Variants in APLF observed in about 807,000 individuals in gnomAD.
APLF encodes the protein aprataxin and PNKP like factor.
APLF carries 61 observed loss-of-function variants against 55.6 expected under a neutral mutation model. The ratio of observed to expected loss-of-function variants is 1.10; its 90% CI spans 0.89 to 1.36. The LOEUF (loss-of-function observed/expected upper bound fraction) is 1.36. APLF is among the 40% of genes most tolerant of loss of function. APLF has a pLI of 0.00. For missense variants in APLF, 611 were observed against 602.5 expected (o/e 1.01, Z -0.15); for synonymous variants, 207 against 214.8 (o/e 0.96, Z 0.32).
chr2:68,478,342 T>C (rs1271659145), intron 1 of APLF, among the ~76,000 whole-genome samples: 1 of 152,110 alleles, frequency 6.6e-6, no homozygotes, highest in Admixed American at 6.6e-5. Flanking sequence ...TGCCAGCAGG[T>C]GGGAAAACCT....
chr2:68,518,640 CATT>C (rs373863822), intron 5 of APLF, among the ~76,000 whole-genome samples: 20 of 93,570 alleles, frequency 2.1e-4, no homozygotes, highest in African/African-American at 1.2e-3. Context: ...AATAATATAT[CATT>C]AATATATCAT....
At chr2:68,574,299 A>G (rs1671563035) in intron 9 of APLF, among the ~76,000 whole-genome samples, 1 of 152,178 alleles carries the variant, frequency 6.6e-6, no homozygotes, top group Admixed American at 6.5e-5. Flanking sequence ...AAAGTCATCT[A>G]GGTAGCATTT....
intron 9 of APLF, among the ~76,000 whole-genome samples, chr2:68,572,140 C>G (rs1205334436): frequency 1.4e-5 from 2 of 147,400 alleles, no homozygotes; most frequent in East Asian, 3.9e-4. Context: ...CTATAAACTG[C>G]TGCTTAATGT....
chr2:68,521,873 A>G (rs1028788480), intron 5 of APLF, among the ~76,000 whole-genome samples: 2 of 151,982 alleles, frequency 1.3e-5, no homozygotes, highest in Admixed American at 6.6e-5. Context: ...TTGAGCATTT[A>G]TACATTATTG....
rs760171905 is a variant in APLF, at chr2:68,578,838, A to G, written c.*816A>G. 72 of 985,302 alleles carry G rather than the reference A, an allele frequency of 7.3e-5. No homozygotes were observed. In the Middle Eastern group the frequency reaches 1.6e-3, roughly 21 times the overall value. 61.0% of individuals were successfully genotyped at this position (985,302 alleles called of 1,614,324 possible). ...TTTGCCTTAGTTTTTTTGACCTCAG[A>G]TGAAAGTAGCAAGTTGTTTGCCAGT... On this transcript the variant is annotated 3_prime_UTR_variant, in exon 10 of 10. Transcript: ENST00000303795.
At chr2:68,545,763 A>G (rs1670686750) in intron 8 of APLF, among the ~76,000 whole-genome samples, 1 of 152,156 alleles carries the variant, frequency 6.6e-6, no homozygotes, top group Non-Finnish European at 1.5e-5. Context: ...TTTTCATGGC[A>G]TCTTGTCCTT....
rs145654399 is a variant in APLF, at chr2:68,513,563, A to G, written c.505A>G (p.Asn169Asp). 5.7e-4 allele frequency: 913 copies of G among 1,611,128 alleles called. 2 individuals carry two copies. The Middle Eastern group carries it at 6.6e-3, about 12-fold the overall frequency. Residue 169 changes from asparagine (N) to aspartate (D), a missense_variant, in exon 5 of 10, where the codon AAT becomes GAT. Coordinates refer to ENST00000303795, the MANE Select transcript of APLF (RefSeq NM_173545.3). ...PTNSVSFLGE[N>D]RDCNKQQPIL... ...GTCTTTTTAGTCTTTCCTAGGTGAA[A>G]ATAGAGACTGCAATAAGCAGCAGCC... is the stretch of plus-strand genomic sequence containing the variant.
intron 1 of APLF, among the ~76,000 whole-genome samples, chr2:68,474,616 T>TA (rs1408091959): frequency 6.6e-5 from 10 of 152,368 alleles, no homozygotes; most frequent in Non-Finnish European, 1.0e-4. Flanking sequence ...CATGTCTTCA[T>TA]ACTTTTGTAT....
intron 8 of APLF, among the ~76,000 whole-genome samples, chr2:68,551,812 G>A (rs1223611608): frequency 1.3e-5 from 2 of 148,488 alleles, no homozygotes; most frequent in East Asian, 2.0e-4. Context: ...GTCTAGCAAC[G>A]CTTTATTGCA....
At chr2:68,549,762 A>G (rs1185463731) in intron 8 of APLF, among the ~76,000 whole-genome samples, 1 of 152,132 alleles carries the variant, frequency 6.6e-6, no homozygotes, top group Admixed American at 6.5e-5. Flanking sequence ...AACCTTCACT[A>G]TGATTATAGG....
intron 3 of APLF, among the ~76,000 whole-genome samples, chr2:68,506,616 G>T (rs1257203039): frequency 6.6e-6 from 1 of 151,992 alleles, no homozygotes; most frequent in Non-Finnish European, 1.5e-5. Flanking sequence ...TTGGGACACA[G>T]AAGGTTTAAG....
chr2:68,574,996 A>G (rs1412434126), intron 9 of APLF, among the ~76,000 whole-genome samples: 1 of 152,330 alleles, frequency 6.6e-6, no homozygotes, highest in Non-Finnish European at 1.5e-5. Flanking sequence ...AGCTAAGGAC[A>G]CAGTAGAAAC....
At chr2:68,485,394 A>G (rs1442276066) in intron 1 of APLF, among the ~76,000 whole-genome samples, 1 of 152,178 alleles carries the variant, frequency 6.6e-6, no homozygotes, top group Non-Finnish European at 1.5e-5. Flanking sequence ...AATATTAAGT[A>G]GGTGATGTTT....
At position 68,480,491 on chromosome 2, in the gene APLF, A is replaced by G. The variant is rs1361084380; in HGVS notation, c.97-9699A>G. 2.0e-5 allele frequency among the ~76,000 whole-genome samples: 3 copies of G among 151,744 alleles called. No individual in the cohort carries two copies. In the East Asian group the frequency reaches 5.8e-4, roughly 29 times the overall value. On this transcript the variant is annotated intron_variant, in intron 1 of 9. Transcript: ENST00000303795. ...GCTAATTTTTGTATTTTTTGTGGAG[A>G]TGAGGTTTCACCATCTTGGCCAGGC... is the stretch of plus-strand genomic sequence containing the variant.
intron 1 of APLF, among the ~76,000 whole-genome samples, chr2:68,480,838 A>G (rs1182022622): frequency 6.6e-6 from 1 of 152,166 alleles, no homozygotes; most frequent in African/African-American, 2.4e-5. Flanking sequence ...GCTGAATTAT[A>G]TCAAATATTT....
rs142567812 is a variant in APLF, at chr2:68,474,707, T to A, written c.96+6880T>A. Among the ~76,000 whole-genome samples the A allele has an allele frequency of 1.7e-3, 259 of 152,302 alleles. 1 individual carries two copies. Among genetic ancestry groups the A allele is most frequent in the South Asian group, 0.012 (57 of 4,822 alleles). ...TTTTGAGATGGAGTTTTGTTCTTGT[T>A]GCCCAGGCTGGAGTTCAATGGTGCG... On this transcript the variant is annotated intron_variant, in intron 1 of 9. Coordinates refer to ENST00000303795, the MANE Select transcript of APLF (RefSeq NM_173545.3).
At chr2:68,544,788 A>G (rs577966343) in intron 7 of APLF, among the ~76,000 whole-genome samples, 1 of 152,256 alleles carries the variant, frequency 6.6e-6, no homozygotes, top group East Asian at 1.9e-4. Context: ...GATGTTGGAA[A>G]CGTTCTGTTT....
intron 5 of APLF, among the ~76,000 whole-genome samples, chr2:68,516,332 C>G (rs1669577630): frequency 6.6e-6 from 1 of 151,628 alleles, no homozygotes; most frequent in Non-Finnish European, 1.5e-5. Flanking sequence ...GATCATCTCT[C>G]AGTTTAACTC....
chr2:68,505,483 A>T (rs1306674071), intron 3 of APLF, among the ~76,000 whole-genome samples: 1 of 151,902 alleles, frequency 6.6e-6, no homozygotes, highest in Non-Finnish European at 1.5e-5. Context: ...TGAATTTTGA[A>T]TTTTTTCGTA....
Sources: allele counts gnomAD v4.1 joint callset (sites outside exome capture counted in the v4.1 genomes callset), GRCh38; gene constraint gnomAD v4.1.1; transcripts MANE v1.5; gene names NCBI Gene and HGNC (gene_info 2026-07-23, HGNC 2026-07-21).